RNF11: variants seen among roughly 807,000 people sequenced by gnomAD.
The protein encoded by RNF11 is ring finger protein 11.
Under a neutral mutation model 15.8 loss-of-function variants are expected in RNF11, and 4 were observed. The observed-to-expected ratio is 0.25, with a 90% CI of 0.12 to 0.58. The LOEUF (loss-of-function observed/expected upper bound fraction) is 0.58. Among genes scored for constraint, RNF11 ranks in the 20% least tolerant of loss-of-function variants. The pLI, the probability that RNF11 is intolerant of heterozygous loss-of-function variation, is 0.91. For missense variants in RNF11, 139 were observed against 194.4 expected (o/e 0.71, Z 1.70); for synonymous variants, 68 against 72.3 (o/e 0.94, Z 0.30).
At chr1:51,264,293 TATATATATATATATATATATATATACAC>T (rs1646944899) in intron 1 of RNF11, among the ~76,000 whole-genome samples, 3 of 77,662 alleles carry the variant, frequency 3.9e-5, no homozygotes, top group African/African-American at 1.9e-4. Flanking sequence ...AAAAAATATA[TATATATATATATATATATATATATACAC>T]ACACACACAC....
intron 1 of RNF11, among the ~76,000 whole-genome samples, chr1:51,243,345 A>T (rs1646838664): frequency 6.6e-6 from 1 of 152,170 alleles, no homozygotes; most frequent in Admixed American, 6.5e-5. Context: ...AACATAATTG[A>T]TGTCTCCTCC....
chr1:51,252,884 T>C (rs113654769), intron 1 of RNF11, among the ~76,000 whole-genome samples: 3,123 of 151,104 alleles, frequency 0.021, 89 homozygotes, highest in African/African-American at 0.064. Context: ...TGGAGTGCAG[T>C]GGCGCGATCT....
chr1:51,245,513 G>T (rs891763432), intron 1 of RNF11, among the ~76,000 whole-genome samples: 2 of 150,826 alleles, frequency 1.3e-5, no homozygotes, highest in Non-Finnish European at 3.0e-5. Flanking sequence ...GTGCAGTGGT[G>T]CAGTCTCAGC....
chr1:51,264,183 G>A (rs1028717873), intron 1 of RNF11, among the ~76,000 whole-genome samples: 6 of 147,690 alleles, frequency 4.1e-5, no homozygotes, highest in African/African-American at 1.5e-4. Context: ...CTTGAGCCCG[G>A]GGGGTCGTCA....
At chr1:51,237,995 C>A (rs1646812652) in intron 1 of RNF11, among the ~76,000 whole-genome samples, 1 of 138,002 alleles carries the variant, frequency 7.2e-6, no homozygotes, top group Non-Finnish European at 1.5e-5. Flanking sequence ...GAATAAAATT[C>A]TTCTGGGGGC....
At chr1:51,264,433 T>C (rs1177863409) in intron 1 of RNF11, among the ~76,000 whole-genome samples, 2 of 151,276 alleles carry the variant, frequency 1.3e-5, no homozygotes, top group African/African-American at 4.9e-5. Context: ...GTTTTTGTTT[T>C]GGTCAAGATT....
At chr1:51,254,714 C>T (rs1212465117) in intron 1 of RNF11, among the ~76,000 whole-genome samples, 1 of 152,162 alleles carries the variant, frequency 6.6e-6, no homozygotes, top group Non-Finnish European at 1.5e-5. Context: ...CTGCCCACCT[C>T]GTCCTCCCAA....
intron 1 of RNF11, among the ~76,000 whole-genome samples, chr1:51,251,749 C>A (rs1234148880): frequency 1.3e-5 from 2 of 152,038 alleles, no homozygotes; most frequent in African/African-American, 2.4e-5. Context: ...ACAGCCTGGG[C>A]AGGAGAGCAA....
At chr1:51,243,781 C>T (rs1199077738) in intron 1 of RNF11, among the ~76,000 whole-genome samples, 1 of 152,212 alleles carries the variant, frequency 6.6e-6, no homozygotes, top group Admixed American at 6.5e-5. Flanking sequence ...AGATATCTGA[C>T]TTAGCATTCA....
chr1:51,271,425 CAA>C lies in RNF11; in HGVS notation c.*106_*107del. On this transcript the variant is annotated 3_prime_UTR_variant, in exon 3 of 3. Coordinates refer to ENST00000242719, the MANE Select transcript of RNF11 (RefSeq NM_014372.5). ...AGGGATTAGGAATTAAGATCGTGCACAAAAGTTTCCTTAAAATTCCTGGATGG... is the reference window on the plus strand; with the variant it reads ...AGGGATTAGGAATTAAGATCGTGCACAAGTTTCCTTAAAATTCCTGGATGG... The C allele has an allele frequency of 1.1e-6, 1 of 922,286 alleles. No homozygotes were observed. The highest frequency in any genetic ancestry group is 1.5e-6 in the Non-Finnish European group (1 of 647,950). 57.1% of individuals were successfully genotyped at this position (922,286 alleles called of 1,614,324 possible). A position where few individuals can be genotyped will look rare whatever the true frequency, so the allele number is the denominator to read the frequency against.
intron 1 of RNF11, among the ~76,000 whole-genome samples, chr1:51,259,921 T>C (rs1208448692): frequency 6.6e-6 from 1 of 152,210 alleles, no homozygotes; most frequent in Non-Finnish European, 1.5e-5. Flanking sequence ...TTTAATTTTA[T>C]GTAGCAATTC....
chr1:51,261,654 C>T (rs1253532428), intron 1 of RNF11, among the ~76,000 whole-genome samples: 2 of 151,878 alleles, frequency 1.3e-5, no homozygotes, highest in South Asian at 2.1e-4. Context: ...ATTCTCCTGC[C>T]TCAGCCTCCC....
At chr1:51,246,708 G>A (rs879337564) in intron 1 of RNF11, among the ~76,000 whole-genome samples, 4 of 152,172 alleles carry the variant, frequency 2.6e-5, no homozygotes, top group Non-Finnish European at 5.9e-5. Context: ...AAAATATTTA[G>A]GCTGTAAGTG....
chr1:51,267,565 T>C (rs1161637109), intron 1 of RNF11, among the ~76,000 whole-genome samples: 1 of 152,172 alleles, frequency 6.6e-6, no homozygotes, highest in Non-Finnish European at 1.5e-5. Flanking sequence ...ATATGAAAGG[T>C]TTTCTGCCAG....
At chr1:51,248,343 G>T (rs1473439527) in intron 1 of RNF11, among the ~76,000 whole-genome samples, 1 of 151,896 alleles carries the variant, frequency 6.6e-6, no homozygotes, top group Admixed American at 6.6e-5. Context: ...GGGTAGCTGG[G>T]ATTATAGGCG....
chr1:51,264,113 G>A (rs1364145845), intron 1 of RNF11, among the ~76,000 whole-genome samples: 3 of 150,872 alleles, frequency 2.0e-5, no homozygotes, highest in African/African-American at 7.3e-5. Context: ...TTTAATTAGC[G>A]GGGCATAGTA....
chr1:51,251,441 C>G (rs1314963864), intron 1 of RNF11: 13 of 712,452 alleles, frequency 1.8e-5, no homozygotes, highest in Non-Finnish European at 2.2e-5. Flanking sequence ...GGCCTCCGGG[C>G]CCCCCCCCGC....
intron 1 of RNF11, among the ~76,000 whole-genome samples, chr1:51,258,391 C>T (rs1646915058): frequency 6.6e-6 from 1 of 152,180 alleles, no homozygotes; most frequent in East Asian, 1.9e-4. Context: ...GGGATAACTG[C>T]ACAGTGAGGC....
chr1:51,260,153 A>G (rs944175242), intron 1 of RNF11, among the ~76,000 whole-genome samples: 1 of 152,216 alleles, frequency 6.6e-6, no homozygotes, highest in African/African-American at 2.4e-5. Flanking sequence ...AGATAAATTT[A>G]TACCTTTAAA....
Sources: gnomAD v4.1 joint callset for allele counts (sites outside exome capture counted in the v4.1 genomes callset) on GRCh38, gnomAD v4.1.1 for gene constraint, MANE v1.5 for transcripts, NCBI Gene and HGNC (gene_info 2026-07-23, HGNC 2026-07-21) for gene names.